The following ADCK5 variants were observed in gnomAD, a reference collection of about 807,000 sequenced individuals.
ADCK5 encodes uncharacterized aarF domain-containing protein kinase 5.
ADCK5 carries 43 observed loss-of-function variants against 64.9 expected under a neutral mutation model. The observed-to-expected ratio is 0.66, with a 90% CI of 0.52 to 0.85. ADCK5 has a LOEUF of 0.85. ADCK5 is among the 40% of genes least tolerant of loss of function. The pLI, the probability that ADCK5 is intolerant of heterozygous loss-of-function variation, is 0.00. For missense variants in ADCK5, 760 were observed against 810.5 expected (o/e 0.94, Z 0.76); for synonymous variants, 434 against 342.8 (o/e 1.27, Z -2.94).
rs143552411 is a variant in ADCK5, at chr8:144,379,228, C to T, written c.13-159C>T. On this transcript the variant is annotated intron_variant, in intron 1 of 14. Coordinates refer to ENST00000308860, the MANE Select transcript of ADCK5 (RefSeq NM_174922.5). ...GATTAAAGGTGTGAGCCCCTGTGCC[C>T]GGCCTGGGTAGTTCTTTAGAGCAGT... 1.3e-3 allele frequency among the ~76,000 whole-genome samples: 194 copies of T among 152,204 alleles called. 1 individual carries two copies. Among genetic ancestry groups the T allele is most frequent in the African/African-American group, 4.2e-3 (175 of 41,540 alleles).
rs1400118899 is a variant in ADCK5 at position 144,384,754 on chromosome 8, G to A, written c.266+1524G>A. 2.6e-5 allele frequency among the ~76,000 whole-genome samples: 4 copies of A among 152,140 alleles called. No homozygotes were observed. Among genetic ancestry groups the A allele is most frequent in the Admixed American group, 6.6e-5 (1 of 15,262 alleles). On this transcript the variant is annotated intron_variant, in intron 3 of 14. Transcript: ENST00000308860. The surrounding 1 kb of genome is among the most constrained non-coding windows in gnomAD (Gnocchi z 5.7). ...AGCTGTGTCTGGTGTCCACCTCCTC[G>A]GCCACCGGCTTGGTGAGCCTGCGTT...
At chr8:144,386,360 T>G (rs1162830493) in intron 3 of ADCK5, among the ~76,000 whole-genome samples, 7 of 151,312 alleles carry the variant, frequency 4.6e-5, no homozygotes, top group African/African-American at 1.7e-4. Flanking sequence ...TTTAACTTAT[T>G]TTTTTTTATT....
At chr8:144,375,394 G>C (rs1337193767) in intron 1 of ADCK5, 1 of 921,048 alleles carries the variant, frequency 1.1e-6, no homozygotes, top group African/African-American at 1.8e-5. Flanking sequence ...ATGTGCCTCA[G>C]TTTCCCCTCA....
chr8:144,388,714 A>G (rs1238316114), intron 3 of ADCK5, among the ~76,000 whole-genome samples: 10 of 151,790 alleles, frequency 6.6e-5, no homozygotes, highest in African/African-American at 1.5e-4. Context: ...GCAGTGAGCC[A>G]AGATCGCCAC....
rs539772134 is a variant in ADCK5, at chr8:144,384,059, A to ATTATTTAT, written c.266+849_266+856dup. 2.0e-5 allele frequency among the ~76,000 whole-genome samples: 3 copies of ATTATTTAT among 151,330 alleles called. No homozygotes were observed. Among genetic ancestry groups the ATTATTTAT allele is most frequent in the African/African-American group, 4.9e-5 (2 of 41,142 alleles). ...GGTGCCCACCACCATGCCTGGCTAA[A>ATTATTTAT]TTATTTATTTATTTATTTATTTATT... On this transcript the variant is annotated intron_variant, in intron 3 of 14. Coordinates refer to ENST00000308860, the MANE Select transcript of ADCK5 (RefSeq NM_174922.5). The surrounding 1 kb of genome is among the most constrained non-coding windows in gnomAD (Gnocchi z 5.7).
intron 2 of ADCK5, among the ~76,000 whole-genome samples, chr8:144,382,119 A>T (rs1819690347): frequency 6.9e-6 from 1 of 144,292 alleles, no homozygotes; most frequent in Non-Finnish European, 1.5e-5. Flanking sequence ...ACTAAGGATT[A>T]TGGGCCGGGT....
At chr8:144,381,302 C>A (rs1299673876) in intron 2 of ADCK5, among the ~76,000 whole-genome samples, 36 of 141,550 alleles carry the variant, frequency 2.5e-4, no homozygotes, top group African/African-American at 9.7e-4. Context: ...CTGCTGCACT[C>A]AGGATTATGG....
In ADCK5 at chr8:144,376,350, G is replaced by C. The variant is rs1182154336; in HGVS notation, c.12+2243G>C. ...ATTCCGTAAGTTGACAGTCACGCTG[G>C]TGTGTGATGAGGACAGTGGCAGGAT... On this transcript the variant is annotated intron_variant, in intron 1 of 14. Coordinates refer to ENST00000308860, the MANE Select transcript of ADCK5 (RefSeq NM_174922.5). The surrounding 1 kb of genome is among the most constrained non-coding windows in gnomAD (Gnocchi z 5.1). 6.6e-6 allele frequency among the ~76,000 whole-genome samples: 1 copy of C among 152,214 alleles called. No homozygotes were observed. The highest frequency in any genetic ancestry group is 1.5e-5 in the Non-Finnish European group (1 of 68,032).
intron 3 of ADCK5, among the ~76,000 whole-genome samples, chr8:144,383,861 G>A: frequency 6.8e-6 from 1 of 146,978 alleles, no homozygotes; most frequent in Admixed American, 6.8e-5. Flanking sequence ...TCTTGGCTTT[G>A]AGAGAAACCT....
intron 3 of ADCK5, among the ~76,000 whole-genome samples, chr8:144,385,603 C>T (rs963922833): frequency 1.3e-5 from 2 of 150,704 alleles, no homozygotes; most frequent in African/African-American, 4.9e-5. Context: ...ACCAAGATCA[C>T]GCCATTGCAC....
intron 1 of ADCK5, among the ~76,000 whole-genome samples, chr8:144,378,683 C>T (rs1394348599): frequency 6.6e-6 from 1 of 152,010 alleles, no homozygotes; most frequent in African/African-American, 2.4e-5. Flanking sequence ...AGTTCTAGAC[C>T]AGCCTGGCCA....
intron 3 of ADCK5, among the ~76,000 whole-genome samples, chr8:144,388,569 C>G (rs1338068058): frequency 6.6e-6 from 1 of 151,962 alleles, no homozygotes; most frequent in Non-Finnish European, 1.5e-5. Context: ...TCGAGACCAT[C>G]CTGGCCAACA....
At chr8:144,383,316 C>G in intron 3 of ADCK5, 86 bp downstream of exon 3, 1 of 1,442,064 alleles carries the variant, frequency 6.9e-7, no homozygotes, top group Non-Finnish European at 9.2e-7. Context: ...GATGCCTTCA[C>G]AGACGAGGGG....
chr8:144,388,565 C>G (rs1464805068), intron 3 of ADCK5, among the ~76,000 whole-genome samples: 1 of 151,912 alleles, frequency 6.6e-6, no homozygotes, highest in Admixed American at 6.6e-5. Flanking sequence ...GAGATCGAGA[C>G]CATCCTGGCC....
intron 3 of ADCK5, among the ~76,000 whole-genome samples, chr8:144,388,579 A>G (rs1450410502): frequency 1.3e-5 from 2 of 151,830 alleles, no homozygotes; most frequent in Admixed American, 6.6e-5. Flanking sequence ...CCTGGCCAAC[A>G]CGGTGAAACC....
rs782231379 is a variant in ADCK5 at position 144,391,386 on chromosome 8, G to A, written c.710G>A (p.Arg237His). 9 of 1,613,150 alleles carry A rather than the reference G, an allele frequency of 5.6e-6. No homozygotes were observed. The highest frequency in any genetic ancestry group is 1.6e-4 in the Middle Eastern group (1 of 6,062). The change falls in exon 7 of 15, where the codon CGC (arginine) becomes CAC (histidine). Residue 237 changes from arginine to histidine, a missense_variant. Arg to His is a conservative substitution (Grantham distance 29). Around this residue, in one of 2 missense-constraint regions of ADCK5, gnomAD observed 427 missense variants for 518.4 expected, o/e 0.82. Coordinates refer to ENST00000308860, the MANE Select transcript of ADCK5 (RefSeq NM_174922.5). ...VKVQYIDLRD[R>H]FDGDIHTLEL... ...GTGCAGTACATCGACCTGCGGGACC[G>A]CTTTGATGGGGACATCCACACCCTG...
chr8:144,374,103 G>T lies in ADCK5; in HGVS notation c.8G>T (p.Arg3Leu). The part of the protein sequence containing the change: MW[R>L]PVQLCHFHSA... ...GCGGAGCAGTGGTCGGAGATGTGGC[G>T]ACCGGTGAGGACTCTCCCGGCCCGG... The change falls in exon 1 of 15, where the codon CGA (arginine) becomes CTA (leucine). Residue 3 changes from arginine to leucine, a missense_variant. Around this residue, in one of 2 missense-constraint regions of ADCK5, gnomAD observed 427 missense variants for 518.4 expected, o/e 0.82. Transcript: ENST00000308860. 2.4e-6 allele frequency: 3 copies of T among 1,248,422 alleles called. No homozygotes were observed. Among genetic ancestry groups the T allele is most frequent in the South Asian group, 8.2e-5 (2 of 24,532 alleles). The allele number at this position is 1,248,422 out of a possible 1,614,324, so 77.3% of individuals were successfully genotyped here. A position where few individuals can be genotyped will look rare whatever the true frequency, so the allele number is the denominator to read the frequency against.
Position 144,391,046 on chromosome 8 carries a change from G to T in ADCK5, c.533G>T (p.Gly178Val). The T allele has an allele frequency of 6.2e-7, 1 of 1,612,358 alleles. No individual in the cohort carries two copies. Among genetic ancestry groups the T allele is most frequent in the South Asian group, 1.1e-5 (1 of 91,090 alleles). Reference sequence around the variant, plus strand: ...CTAGAGGACAGGGCCCTCAAGCGGGGCTTCCAGGAGGTGAGTGTGCGCTCA... The same window carrying T: ...CTAGAGGACAGGGCCCTCAAGCGGGTCTTCCAGGAGGTGAGTGTGCGCTCA... ...RVLEDRALKR[G>V]FQEVDELFLE... The change falls in exon 5 of 15, where the codon GGC becomes GTC. Residue 178 changes from glycine (G) to valine (V), a missense_variant. Gly to Val is a moderately radical substitution (Grantham distance 109). Transcript: ENST00000308860.
chr8:144,383,671 G>T (rs1819780226), intron 3 of ADCK5, among the ~76,000 whole-genome samples: 1 of 152,200 alleles, frequency 6.6e-6, no homozygotes, highest in African/African-American at 2.4e-5. Flanking sequence ...CCTGGAGATG[G>T]GCAAAATCGG....
Sources: allele counts gnomAD v4.1 joint callset (sites outside exome capture counted in the v4.1 genomes callset), GRCh38; gene constraint gnomAD v4.1.1; regional missense constraint gnomAD v4.1.1; non-coding constraint Gnocchi (gnomAD v3.1); transcripts MANE v1.5; gene names NCBI Gene and HGNC (gene_info 2026-07-23, HGNC 2026-07-21).